The following GNAQ variants were observed in gnomAD, a reference collection of about 807,000 sequenced individuals.
The protein encoded by GNAQ is G protein subunit alpha q, also known as guanine nucleotide-binding protein G(q) subunit alpha.
A neutral mutation model predicts 43.9 loss-of-function variants in GNAQ; 8 were observed. That is an observed-to-expected ratio of 0.18 (90% CI 0.11 to 0.33). The LOEUF is 0.33. Ranked by LOEUF, GNAQ falls within the 10% of genes least tolerant of loss-of-function variation. The pLI is 1.00. For missense variants in GNAQ, 158 were observed against 450.8 expected (o/e 0.35, Z 5.88); for synonymous variants, 155 against 170.7 (o/e 0.91, Z 0.71).
At chr9:77,917,919 G>A (rs1220723969) in intron 2 of GNAQ, among the ~76,000 whole-genome samples, 1 of 152,126 alleles carries the variant, frequency 6.6e-6, no homozygotes, top group Non-Finnish European at 1.5e-5. Flanking sequence ...GGTAAAATGT[G>A]CAATTACAAG....
intron 5 of GNAQ, among the ~76,000 whole-genome samples, chr9:77,770,317 GGTTA>G (rs1394988226): frequency 6.6e-6 from 1 of 152,116 alleles, no homozygotes; most frequent in East Asian, 1.9e-4. Flanking sequence ...ATTAGATGCT[GGTTA>G]GTTTATAATG....
At chr9:77,889,849 T>C (rs2118103844) in intron 2 of GNAQ, among the ~76,000 whole-genome samples, 1 of 152,282 alleles carries the variant, frequency 6.6e-6, no homozygotes, top group Non-Finnish European at 1.5e-5. Flanking sequence ...TATCATGGCC[T>C]AGAAATTTTA....
chr9:77,815,123 CAGAA>C (rs1281760415), intron 3 of GNAQ, among the ~76,000 whole-genome samples: 2 of 152,154 alleles, frequency 1.3e-5, no homozygotes, highest in Non-Finnish European at 1.5e-5. Flanking sequence ...TAGTGGCTCT[CAGAA>C]AGCAGTCAAG....
intron 2 of GNAQ, among the ~76,000 whole-genome samples, chr9:77,898,407 C>T (rs2378100): frequency 0.44 from 67,426 of 152,048 alleles, 17,371 homozygotes; most frequent in Non-Finnish European, 0.57. Context: ...TAGGCTATTG[C>T]CTATTCAGAG....
chr9:77,822,982 G>A (rs561505471), intron 2 of GNAQ, among the ~76,000 whole-genome samples: 21 of 151,678 alleles, frequency 1.4e-4, no homozygotes, highest in African/African-American at 5.1e-4. Context: ...ACCCAGGCTG[G>A]CAGGCTGGAG....
At chr9:77,860,789 G>C (rs926425493) in intron 2 of GNAQ, among the ~76,000 whole-genome samples, 7 of 152,128 alleles carry the variant, frequency 4.6e-5, no homozygotes, top group African/African-American at 1.7e-4. Context: ...GCTCTTCCGT[G>C]GAGGTTGCCT....
intron 1 of GNAQ, among the ~76,000 whole-genome samples, chr9:77,970,913 C>A (rs1165058273): frequency 3.3e-5 from 5 of 151,936 alleles, no homozygotes; most frequent in African/African-American, 9.7e-5. Flanking sequence ...AGAGAAGAAC[C>A]AAATCGATGC....
intron 2 of GNAQ, among the ~76,000 whole-genome samples, chr9:77,880,188 T>C (rs1017618538): frequency 1.3e-5 from 2 of 152,190 alleles, no homozygotes; most frequent in Non-Finnish European, 2.9e-5. Flanking sequence ...AACTGTTCAC[T>C]GAACTCCCTG....
chr9:78,018,177 C>CAA (rs11423225), intron 1 of GNAQ, among the ~76,000 whole-genome samples: 20 of 140,980 alleles, frequency 1.4e-4, no homozygotes, highest in African/African-American at 4.9e-4. Context: ...CCTAAATGTA[C>CAA]AAAAAAAAAA....
At chr9:77,745,872 C>G (rs943397325) in intron 5 of GNAQ, among the ~76,000 whole-genome samples, 5 of 151,888 alleles carry the variant, frequency 3.3e-5, no homozygotes, top group African/African-American at 1.2e-4. Flanking sequence ...ATGAGCATTT[C>G]TTGGAATCAA....
chr9:77,755,646 T>C (rs1049006683), intron 5 of GNAQ, among the ~76,000 whole-genome samples: 1 of 152,228 alleles, frequency 6.6e-6, no homozygotes, highest in African/African-American at 2.4e-5. Context: ...ACATAAGATT[T>C]ATTGACTTCA....
intron 2 of GNAQ, among the ~76,000 whole-genome samples, chr9:77,868,702 G>C (rs1172596389): frequency 6.6e-6 from 1 of 152,142 alleles, no homozygotes; most frequent in Non-Finnish European, 1.5e-5. Flanking sequence ...GGCTGAGGCA[G>C]GAGGATCACT....
At chr9:77,969,861 G>A (rs1823214597) in intron 1 of GNAQ, among the ~76,000 whole-genome samples, 1 of 152,184 alleles carries the variant, frequency 6.6e-6, no homozygotes, top group Admixed American at 6.5e-5. Flanking sequence ...CGTAGACACA[G>A]AGACCAGTAC....
At position 77,894,263 on chromosome 9, in the gene GNAQ, T is replaced by C. The variant is rs577234706; in HGVS notation, c.321+27898A>G. ...AATTTTAAATGTTTCATTTAAGTCA[T>C]AAAAGAAGCAGTATTGCTAATAATA... On this transcript the variant is annotated intron_variant, in intron 2 of 6. Coordinates refer to ENST00000286548, the MANE Select transcript of GNAQ (RefSeq NM_002072.5). Among the ~76,000 whole-genome samples the C allele has an allele frequency of 1.7e-3, 214 of 125,302 alleles. 1 individual carries two copies. Among genetic ancestry groups the C allele is most frequent in the African/African-American group, 6.7e-3 (209 of 30,980 alleles). The allele number at this position is 125,302 out of a possible 152,430, so 82.2% of individuals were successfully genotyped here.
chr9:77,759,894 T>TTTC lies in GNAQ; in HGVS notation c.736-31228_736-31227insGAA, dbSNP rs1564102093. Among the ~76,000 whole-genome samples, 254 of 147,224 alleles carry TTTC rather than the reference T, an allele frequency of 1.7e-3. 1 individual carries two copies. The highest frequency in any genetic ancestry group is 5.9e-3 in the African/African-American group (236 of 39,828). ...TTCTTCTACCTTTTTCTCTCTCTTT[T>TTTC]TTTCTTTCTTTCTTTTTTTTCTTTT... On this transcript the variant is annotated intron_variant, in intron 5 of 6. Transcript: ENST00000286548.
At chr9:77,971,571 A>C (rs1823237133) in intron 1 of GNAQ, among the ~76,000 whole-genome samples, 1 of 152,246 alleles carries the variant, frequency 6.6e-6, no homozygotes, top group African/African-American at 2.4e-5. Context: ...CTTCGACAAA[A>C]TTCAACAGCA....
At position 78,031,602 on chromosome 9, in the gene GNAQ, C is replaced by CCGG. The variant is rs1401921121; in HGVS notation, c.-368_-367insCCG. On this transcript the variant is annotated 5_prime_UTR_variant, in exon 1 of 7. Transcript: ENST00000286548. ...CTCGCCCCCCGAGCCGCCGCCGCCG[C>CCGG]CGCCGCCTGCGAGGCTCCCCTACGC... 2.0e-5 allele frequency: 3 copies of CCGG among 151,722 alleles called. No individual in the cohort carries two copies. The highest frequency in any genetic ancestry group is 4.4e-5 in the Non-Finnish European group (3 of 68,728). 9.4% of individuals were successfully genotyped at this position (151,722 alleles called of 1,614,324 possible). A position where few individuals can be genotyped will look rare whatever the true frequency, so the allele number is the denominator to read the frequency against.
chr9:77,999,024 G>A (rs1433983163), intron 1 of GNAQ, among the ~76,000 whole-genome samples: 1 of 149,042 alleles, frequency 6.7e-6, no homozygotes, highest in African/African-American at 2.5e-5. Flanking sequence ...CCCAGGAGGC[G>A]GAGGTTGCAG....
At chr9:77,936,001 T>C (rs954844185) in intron 1 of GNAQ, among the ~76,000 whole-genome samples, 4 of 152,146 alleles carry the variant, frequency 2.6e-5, no homozygotes, top group African/African-American at 7.2e-5. Flanking sequence ...CACCTTGAAA[T>C]GTATAACAAG....
Sources: allele counts gnomAD v4.1 joint callset (sites outside exome capture counted in the v4.1 genomes callset), GRCh38; gene constraint gnomAD v4.1.1; transcripts MANE v1.5; gene names NCBI Gene and HGNC (gene_info 2026-07-23, HGNC 2026-07-21).